ENOX1: variants seen among roughly 807,000 people sequenced by gnomAD.
ENOX1 encodes candidate growth-related and time keeping constitutive hydroquinone (NADH) oxidase.
A neutral mutation model predicts 82.5 loss-of-function variants in ENOX1; 42 were observed. The observed-to-expected ratio is 0.51, with a 90% CI of 0.40 to 0.66. The LOEUF is 0.66. Among genes scored for constraint, ENOX1 ranks in the 30% least tolerant of loss-of-function variants. The pLI, the probability that ENOX1 is intolerant of heterozygous loss-of-function variation, is 0.00. For synonymous variants in ENOX1, 271 were observed against 282.2 expected (o/e 0.96, Z 0.40); for missense variants, 608 against 811.6 (o/e 0.75, Z 3.05).
At chr13:43,545,422 C>A (rs1440811303) in intron 2 of ENOX1, 2 of 152,204 alleles carry the variant, frequency 1.3e-5, no homozygotes, top group Non-Finnish European at 2.9e-5. Context: ...TGTAAAGATT[C>A]TTTGTTTCCT....
intron 1 of ENOX1, among the ~76,000 whole-genome samples, chr13:43,719,254 T>G (rs2088379954): frequency 6.6e-6 from 1 of 150,898 alleles, no homozygotes; most frequent in Admixed American, 6.6e-5. Flanking sequence ...TTAACTGTGT[T>G]TTTATACCTA....
intron 3 of ENOX1, among the ~76,000 whole-genome samples, chr13:43,477,191 CAT>C (rs201619161): frequency 1.1e-3 from 161 of 150,448 alleles, no homozygotes; most frequent in African/African-American, 3.7e-3. Context: ...AGTATACACA[CAT>C]ATATATAGAG....
At chr13:43,349,220 C>T (rs1195281152) in intron 8 of ENOX1, among the ~76,000 whole-genome samples, 3 of 152,154 alleles carry the variant, frequency 2.0e-5, no homozygotes, top group Non-Finnish European at 2.9e-5. Flanking sequence ...GCTGAATGAT[C>T]CCGTTATACT....
intron 3 of ENOX1, among the ~76,000 whole-genome samples, chr13:43,450,008 A>G (rs1194564048): frequency 6.6e-6 from 1 of 152,242 alleles, no homozygotes; most frequent in Non-Finnish European, 1.5e-5. Flanking sequence ...AAATGGTTCC[A>G]TTACCTCGGA....
At chr13:43,516,452 T>G (rs967166712) in intron 2 of ENOX1, among the ~76,000 whole-genome samples, 3 of 152,138 alleles carry the variant, frequency 2.0e-5, no homozygotes, top group Non-Finnish European at 4.4e-5. Flanking sequence ...GATGGGGACA[T>G]GAAACAGCTT....
intron 1 of ENOX1, among the ~76,000 whole-genome samples, chr13:43,673,817 A>G (rs1361325246): frequency 6.6e-6 from 1 of 152,166 alleles, no homozygotes; most frequent in African/African-American, 2.4e-5. Flanking sequence ...TTTGCTTTTT[A>G]TGTTATACAC....
At chr13:43,223,452 G>T (rs2041885885) in intron 16 of ENOX1, among the ~76,000 whole-genome samples, 1 of 152,176 alleles carries the variant, frequency 6.6e-6, no homozygotes. Flanking sequence ...TACTGCGGTG[G>T]GGTAGGAGTA....
intron 2 of ENOX1, among the ~76,000 whole-genome samples, chr13:43,640,912 G>A (rs9634781): frequency 3.7e-4 from 7 of 18,672 alleles, no homozygotes; most frequent in South Asian, 9.2e-3. Context: ...ACACACGCAC[G>A]CACACATACA....
chr13:43,465,540 C>G (rs2057681026), intron 3 of ENOX1, among the ~76,000 whole-genome samples: 1 of 152,050 alleles, frequency 6.6e-6, no homozygotes, highest in Non-Finnish European at 1.5e-5. Context: ...ATCCCTAGTT[C>G]CTATTATTGG....
At chr13:43,297,513 C>G (rs1225960873) in intron 12 of ENOX1, among the ~76,000 whole-genome samples, 1 of 151,538 alleles carries the variant, frequency 6.6e-6, no homozygotes, top group East Asian at 1.9e-4. Context: ...CTCTGTTATT[C>G]TAAGGTAACT....
In ENOX1 at chr13:43,786,440, G is replaced by C. The variant is rs907927356; in HGVS notation, c.-285+212C>G. Reference sequence around the variant, plus strand: ...CGTAAAAGTGAGGGAGCTTGAGACGGGGCACGGCGGGGAAGGGCGTGGGGG... The same window carrying C: ...CGTAAAAGTGAGGGAGCTTGAGACGCGGCACGGCGGGGAAGGGCGTGGGGG... On this transcript the variant is annotated intron_variant, in intron 1 of 16. Coordinates refer to ENST00000690772, the MANE Select transcript of ENOX1 (RefSeq NM_001347969.2). This position sits in a 1 kb window ranked among gnomAD's most constrained non-coding sequence, Gnocchi z 6.0. Among the ~76,000 whole-genome samples, 3 of 151,748 alleles carry C rather than the reference G, an allele frequency of 2.0e-5. No homozygotes were observed. The highest frequency in any genetic ancestry group is 7.3e-5 in the African/African-American group (3 of 41,330).
At chr13:43,445,087 C>T (rs1445105805) in intron 3 of ENOX1, among the ~76,000 whole-genome samples, 1 of 151,030 alleles carries the variant, frequency 6.6e-6, no homozygotes, top group Admixed American at 6.6e-5. Flanking sequence ...TTCTATAGAA[C>T]AATACTATGT....
At chr13:43,402,074 CAGAG>C (rs751878959) in intron 5 of ENOX1, among the ~76,000 whole-genome samples, 3 of 152,136 alleles carry the variant, frequency 2.0e-5, no homozygotes, top group Non-Finnish European at 4.4e-5. Context: ...TCAATCAAGA[CAGAG>C]ATTCAGAAAT....
At chr13:43,377,772 C>T (rs2051744659) in intron 5 of ENOX1, among the ~76,000 whole-genome samples, 1 of 152,164 alleles carries the variant, frequency 6.6e-6, no homozygotes, top group African/African-American at 2.4e-5. Context: ...AGAGTAGGAA[C>T]TCACACTCAG....
chr13:43,291,670 A>T (rs1478146411), intron 12 of ENOX1, among the ~76,000 whole-genome samples: 1 of 152,126 alleles, frequency 6.6e-6, no homozygotes, highest in Non-Finnish European at 1.5e-5. Context: ...CCCCAGCCAC[A>T]TGGTAACCAA....
chr13:43,387,591 C>T (rs760027371), intron 5 of ENOX1, among the ~76,000 whole-genome samples: 1 of 151,932 alleles, frequency 6.6e-6, no homozygotes, highest in Non-Finnish European at 1.5e-5. Context: ...TCTGCTTGAA[C>T]AGTCATTTAA....
intron 2 of ENOX1, among the ~76,000 whole-genome samples, chr13:43,531,316 T>C (rs1488169010): frequency 1.3e-5 from 2 of 151,910 alleles, no homozygotes; most frequent in Non-Finnish European, 2.9e-5. Flanking sequence ...CAAAAACACA[T>C]GAAAAAATGC....
chr13:43,345,640 TG>T (rs1296887194), intron 8 of ENOX1, among the ~76,000 whole-genome samples: 3 of 152,240 alleles, frequency 2.0e-5, no homozygotes, highest in Non-Finnish European at 4.4e-5. Flanking sequence ...TAATTAGAAC[TG>T]GAAGTTGTAT....
At chr13:43,334,477 C>T (rs1044568461) in intron 9 of ENOX1, among the ~76,000 whole-genome samples, 2 of 152,070 alleles carry the variant, frequency 1.3e-5, no homozygotes, top group South Asian at 4.1e-4. Context: ...CTCAGAGTCC[C>T]TGGGGGAGAC....
Sources: gnomAD v4.1 joint callset for allele counts (sites outside exome capture counted in the v4.1 genomes callset) on GRCh38, gnomAD v4.1.1 for gene constraint, Gnocchi (gnomAD v3.1) non-coding constraint, MANE v1.5 for transcripts, NCBI Gene and HGNC (gene_info 2026-07-23, HGNC 2026-07-21) for gene names.